The following GRIP1 variants were observed in gnomAD, a reference collection of about 807,000 sequenced individuals.
GRIP1 encodes glutamate receptor-interacting protein 1.
Under a neutral mutation model 129.9 loss-of-function variants are expected in GRIP1, and 45 were observed. The observed-to-expected ratio is 0.35, with a 90% CI of 0.27 to 0.44. The LOEUF (loss-of-function observed/expected upper bound fraction) is 0.44, where lower values mean the gene tolerates loss of function less well. GRIP1 is among the 20% of genes least tolerant of loss of function. GRIP1 has a pLI of 1.00. For missense variants in GRIP1, 1,196 were observed against 1,396.8 expected, an observed-to-expected ratio of 0.86 and a Z score of 2.29; for synonymous variants, 530 against 520.8, an observed-to-expected ratio of 1.02 and a Z score of -0.24.
At chr12:66,815,716 A>T (rs1355778932) in intron 1 of GRIP1, among the ~76,000 whole-genome samples, 14 of 152,070 alleles carry the variant, frequency 9.2e-5, no homozygotes, top group Non-Finnish European at 1.5e-5. Context: ...ATAAGCCAAG[A>T]TCATGCTGCT....
chr12:66,781,827 G>A lies in GRIP1; in HGVS notation c.-420+22226C>T, dbSNP rs568765941. The stretch of plus-strand genomic sequence containing the variant: ...AGAAACCTTCTTAGGTAGGGGAAGG[G>A]TGTATAAATTGGTATAGCCATTTTT... On this transcript the variant is annotated intron_variant, in intron 1 of 4. Transcript: ENST00000538373. 1.1e-4 allele frequency among the ~76,000 whole-genome samples: 17 copies of A among 152,270 alleles called. No individual in the cohort carries two copies. The East Asian group carries it at 3.3e-3, about 29-fold the overall frequency.
At chr12:66,466,621 G>C (rs957788198) in intron 7 of GRIP1, among the ~76,000 whole-genome samples, 7 of 152,018 alleles carry the variant, frequency 4.6e-5, no homozygotes, top group Non-Finnish European at 1.0e-4. Context: ...AACTTTCTAA[G>C]CCTGCTTGCT....
chr12:66,804,621 C>T (rs900830723), upstream of GRIP1, among the ~76,000 whole-genome samples: 17 of 151,886 alleles, frequency 1.1e-4, no homozygotes, highest in African/African-American at 4.1e-4. Flanking sequence ...ATCATCGGGG[C>T]GGGGGTATAG....
Position 66,584,078 on chromosome 12 carries a change from A to G in GRIP1, c.136+12769T>C, listed in dbSNP as rs1465214073. On this transcript the variant is annotated intron_variant, in intron 2 of 24. Transcript: ENST00000359742. ...ATATACCATGGAATACTATGCAGCC[A>G]TAAAAAAGGATGAGTTCATGTCCTT... is the stretch of plus-strand genomic sequence containing the variant. Among the ~76,000 whole-genome samples, 20 of 149,950 alleles carry G rather than the reference A, an allele frequency of 1.3e-4. No individual in the cohort carries two copies. In the South Asian group the frequency reaches 4.3e-3, roughly 32 times the overall value.
Position 66,347,645 on chromosome 12 carries a change from A to G in GRIP1, c.*1374T>C, listed in dbSNP as rs2054028091. 1 of 152,112 alleles carries G rather than the reference A, an allele frequency of 6.6e-6. No homozygotes were observed. The allele number at this position is 152,112 out of a possible 1,614,324, so 9.4% of individuals were successfully genotyped here. ...ACAAATAAAAATACATATTTAAGTG[A>G]CTCATGATCTTTTTTTCTTTTTTCT... On this transcript the variant is annotated 3_prime_UTR_variant, in exon 25 of 25. Transcript: ENST00000359742.
chr12:66,601,750 C>T (rs531591395), intron 1 of GRIP1, among the ~76,000 whole-genome samples: 176 of 152,304 alleles, frequency 1.2e-3, no homozygotes, highest in African/African-American at 4.0e-3. Context: ...AGTGTTCATG[C>T]ATGTCCTTAC....
intron 2 of GRIP1, among the ~76,000 whole-genome samples, chr12:66,557,154 C>A (rs2062364139): frequency 6.6e-6 from 1 of 151,836 alleles, no homozygotes; most frequent in Admixed American, 6.6e-5. Context: ...CCAATGGAAA[C>A]CACAAAAGGG....
In GRIP1 at chr12:66,429,404, T is replaced by G. The variant is rs532281199; in HGVS notation, c.1768+3144A>C. On this transcript the variant is annotated intron_variant, in intron 14 of 24. Transcript: ENST00000359742. ...TAGATTTTGTGGGCTGGAGCTGTGCTTAAAATATTTTAGCAGGCATGGTGG... is the reference window on the plus strand; with the variant it reads ...TAGATTTTGTGGGCTGGAGCTGTGCGTAAAATATTTTAGCAGGCATGGTGG... 2.0e-5 allele frequency among the ~76,000 whole-genome samples: 3 copies of G among 152,172 alleles called. 1 individual carries two copies. The highest frequency in any genetic ancestry group is 4.4e-5 in the Non-Finnish European group (3 of 68,034).
Position 66,738,504 on chromosome 12 carries a change from A to T in GRIP1, c.-420+65549T>A, listed in dbSNP as rs539071730. Among the ~76,000 whole-genome samples, 4 of 152,218 alleles carry T rather than the reference A, an allele frequency of 2.6e-5. No individual in the cohort carries two copies. In the South Asian group the frequency reaches 8.3e-4, roughly 32 times the overall value. ...CCAAAGTGCTAGGATCACAGGCATG[A>T]ACCACCACGCCCACCCACTTATTTC... On this transcript the variant is annotated intron_variant, in intron 1 of 4. Coordinates refer to the GRIP1 transcript ENST00000538373.
At chr12:66,990,234 T>C (rs932757991) in intron 1 of GRIP1, among the ~76,000 whole-genome samples, 6 of 152,194 alleles carry the variant, frequency 3.9e-5, no homozygotes, top group African/African-American at 1.4e-4. Flanking sequence ...TTCTAGAACT[T>C]ACATTTTTAA....
intron 1 of GRIP1, among the ~76,000 whole-genome samples, chr12:66,861,001 C>T (rs11176461): frequency 0.084 from 12,837 of 151,988 alleles, 586 homozygotes; most frequent in Admixed American, 0.11. Flanking sequence ...GGAGGGCTAC[C>T]CAGGATAATA....
intron 3 of GRIP1, among the ~76,000 whole-genome samples, chr12:66,541,541 A>G (rs1290071264): frequency 1.3e-5 from 2 of 152,174 alleles, no homozygotes; most frequent in African/African-American, 4.8e-5. Flanking sequence ...CAAGATTCAC[A>G]TAGGCTTTTT....
At chr12:66,547,330 G>A (rs1339664860) in intron 2 of GRIP1, among the ~76,000 whole-genome samples, 1 of 152,156 alleles carries the variant, frequency 6.6e-6, no homozygotes, top group Non-Finnish European at 1.5e-5. Context: ...TGATGGGAAT[G>A]TAAAATAGGA....
At chr12:66,982,731 C>T (rs550339046) in intron 1 of GRIP1, among the ~76,000 whole-genome samples, 2 of 152,324 alleles carry the variant, frequency 1.3e-5, no homozygotes, top group South Asian at 2.1e-4. Flanking sequence ...ACAGCCCCAA[C>T]TGATGCCCCG....
intron 7 of GRIP1, among the ~76,000 whole-genome samples, chr12:66,468,620 A>G (rs1368619774): frequency 6.6e-6 from 1 of 152,118 alleles, no homozygotes; most frequent in Non-Finnish European, 1.5e-5. Context: ...TAAACATGAG[A>G]GTTTTTAAAA....
chr12:66,824,905 A>G (rs2039382875), intron 1 of GRIP1, among the ~76,000 whole-genome samples: 1 of 152,198 alleles, frequency 6.6e-6, no homozygotes, highest in Non-Finnish European at 1.5e-5. Flanking sequence ...GACTTTCATT[A>G]GCTTAGTCTA....
chr12:66,410,566 C>A (rs1006766240), intron 15 of GRIP1, among the ~76,000 whole-genome samples: 52 of 151,924 alleles, frequency 3.4e-4, no homozygotes, highest in African/African-American at 1.3e-3. Flanking sequence ...TCGCTTGAAC[C>A]CAGGAGGCAG....
At position 66,534,110 on chromosome 12, in the gene GRIP1, C is replaced by T. The variant is rs79497079; in HGVS notation, c.419-4196G>A. On this transcript the variant is annotated intron_variant, in intron 4 of 24. Transcript: ENST00000359742. ...TTAATTCCTTCAACCACTCTCAACT[C>T]AAGTATCCGATTACTTTCTTCAAAT... 1.2e-4 allele frequency among the ~76,000 whole-genome samples: 18 copies of T among 152,306 alleles called. No individual in the cohort carries two copies. In the East Asian group the frequency reaches 2.9e-3, roughly 24 times the overall value.
At chr12:66,846,834 A>T (rs2039826375) in intron 1 of GRIP1, among the ~76,000 whole-genome samples, 1 of 152,138 alleles carries the variant, frequency 6.6e-6, no homozygotes, top group African/African-American at 2.4e-5. Context: ...GCAGAGGAAG[A>T]GGGGGGACCT....
Sources: gnomAD v4.1 joint callset for allele counts (sites outside exome capture counted in the v4.1 genomes callset) on GRCh38, gnomAD v4.1.1 for gene constraint, MANE v1.5 for transcripts, NCBI Gene and HGNC (gene_info 2026-07-23, HGNC 2026-07-21) for gene names.